The following ARIH2 variants were observed in gnomAD, a reference collection of about 807,000 sequenced individuals.
ARIH2 encodes the protein ariadne RBR E3 ubiquitin protein ligase 2, also known as E3 ubiquitin-protein ligase ARIH2.
A neutral mutation model predicts 79.8 loss-of-function variants in ARIH2; 12 were observed. The observed-to-expected ratio is 0.15, with a 90% CI of 0.10 to 0.24. The LOEUF (loss-of-function observed/expected upper bound fraction) is 0.24. Ranked by LOEUF, ARIH2 falls within the 10% of genes least tolerant of loss-of-function variation. ARIH2 has a pLI of 1.00. For synonymous variants in ARIH2, 224 were observed against 213.9 expected, an observed-to-expected ratio of 1.05 and a Z score of -0.41; for missense variants, 301 against 618.3, an observed-to-expected ratio of 0.49 and a Z score of 5.44.
intron 3 of ARIH2, among the ~76,000 whole-genome samples, chr3:48,939,243 C>CG (rs1457548266): frequency 6.6e-6 from 1 of 151,822 alleles, no homozygotes; most frequent in Non-Finnish European, 1.5e-5. Flanking sequence ...GCTGGGATTA[C>CG]GGGGGCGCCT....
At chr3:48,955,471 C>T (rs939899112) in intron 3 of ARIH2, among the ~76,000 whole-genome samples, 2 of 152,094 alleles carry the variant, frequency 1.3e-5, no homozygotes, top group African/African-American at 4.8e-5. Context: ...TCCTTCATTA[C>T]AACAGCCCAG....
intron 3 of ARIH2, chr3:48,934,271 G>A (rs2086810772): frequency 1.7e-6 from 1 of 587,436 alleles, no homozygotes; most frequent in African/African-American, 2.0e-5. Context: ...TTCTTAATTG[G>A]TACTAAATAC....
chr3:48,922,902 G>T (rs2085007424), intron 2 of ARIH2, 91 bp downstream of exon 2: 1 of 152,124 alleles, frequency 6.6e-6, no homozygotes, highest in East Asian at 1.9e-4. Flanking sequence ...CCATACAGAA[G>T]AGTTTGTTAA....
chr3:48,927,980 C>A, intron 3 of ARIH2, 167 bp downstream of exon 3: 1 of 822,822 alleles, frequency 1.2e-6, no homozygotes, highest in Non-Finnish European at 1.8e-6. Context: ...ACTTTGTTTT[C>A]TAATATATGC....
chr3:48,927,823 G>A lies in ARIH2; in HGVS notation c.255+10G>A, dbSNP rs2085841439. 7.4e-6 allele frequency: 12 copies of A among 1,613,048 alleles called. No individual in the cohort carries two copies. The highest frequency in any genetic ancestry group is 1.0e-5 in the Non-Finnish European group (12 of 1,179,302). On this transcript the variant is annotated intron_variant, in intron 3 of 15. Transcript: ENST00000356401. Reference sequence around the variant, plus strand: ...AGCTTCTGTCCTAAAGGTGAGCAGTGTTGTAAACTCCAGTGTAATCCCCCC... The same window carrying A: ...AGCTTCTGTCCTAAAGGTGAGCAGTATTGTAAACTCCAGTGTAATCCCCCC...
intron 3 of ARIH2, among the ~76,000 whole-genome samples, chr3:48,951,326 CT>C (rs2089930442): frequency 6.6e-6 from 1 of 151,810 alleles, no homozygotes; most frequent in Non-Finnish European, 1.5e-5. Context: ...TTTTTTCCCC[CT>C]GTGGAGTTTC....
At chr3:48,957,793 A>C (rs1016318040) in intron 3 of ARIH2, among the ~76,000 whole-genome samples, 12 of 152,000 alleles carry the variant, frequency 7.9e-5, no homozygotes, top group African/African-American at 2.9e-4. Flanking sequence ...TCAGCTCACT[A>C]CAACCTCCGC....
At chr3:48,953,245 A>G (rs2090170436) in intron 3 of ARIH2, among the ~76,000 whole-genome samples, 1 of 151,848 alleles carries the variant, frequency 6.6e-6, no homozygotes, top group Admixed American at 6.6e-5. Context: ...TTCTGAGTAG[A>G]TTGAAATTCA....
chr3:48,935,981 A>G (rs1022656992), intron 3 of ARIH2, among the ~76,000 whole-genome samples: 13 of 152,176 alleles, frequency 8.5e-5, no homozygotes, highest in African/African-American at 1.2e-4. Flanking sequence ...CCTGGGACCC[A>G]CCAAAAGAAA....
intron 3 of ARIH2, among the ~76,000 whole-genome samples, chr3:48,939,868 C>G (rs1175468537): frequency 1.3e-5 from 2 of 151,032 alleles, no homozygotes; most frequent in African/African-American, 4.9e-5. Context: ...GCATTTAGTA[C>G]ATTCACATTG....
chr3:48,978,338 C>T (rs1356146757), intron 11 of ARIH2, among the ~76,000 whole-genome samples: 3 of 150,584 alleles, frequency 2.0e-5, no homozygotes, highest in African/African-American at 4.9e-5. Flanking sequence ...TCACAACCTC[C>T]GCCCTACAGG....
At chr3:48,978,187 T>C (rs1576545784) in intron 11 of ARIH2, among the ~76,000 whole-genome samples, 1 of 152,076 alleles carries the variant, frequency 6.6e-6, no homozygotes, top group South Asian at 2.1e-4. Flanking sequence ...AAAACTGTGG[T>C]TGGCTTCTCT....
intron 3 of ARIH2, among the ~76,000 whole-genome samples, chr3:48,940,939 G>A (rs2088088495): frequency 6.6e-6 from 1 of 151,532 alleles, no homozygotes; most frequent in Non-Finnish European, 1.5e-5. Context: ...GGAGGCGGAG[G>A]CAGGCGGATC....
intron 3 of ARIH2, among the ~76,000 whole-genome samples, chr3:48,930,877 G>A (rs1411687575): frequency 1.3e-5 from 2 of 152,080 alleles, no homozygotes; most frequent in African/African-American, 2.4e-5. Flanking sequence ...TTGTGTGTAT[G>A]TAATTGAAAA....
chr3:48,924,166 T>G (rs1336380356), intron 2 of ARIH2, among the ~76,000 whole-genome samples: 1 of 151,984 alleles, frequency 6.6e-6, no homozygotes, highest in Non-Finnish European at 1.5e-5. Flanking sequence ...TACAAATTCT[T>G]TTTCCTTTTG....
chr3:48,941,137 A>G (rs995146908), intron 3 of ARIH2, among the ~76,000 whole-genome samples: 2 of 149,128 alleles, frequency 1.3e-5, no homozygotes, highest in African/African-American at 2.5e-5. Flanking sequence ...GTGCCACTGC[A>G]CTCCAGCCTG....
intron 3 of ARIH2, among the ~76,000 whole-genome samples, chr3:48,942,948 G>A (rs2088546674): frequency 6.6e-6 from 1 of 151,758 alleles, no homozygotes; most frequent in African/African-American, 2.4e-5. Flanking sequence ...ACCGTGCCTG[G>A]CCCTAATTTT....
intron 1 of ARIH2, among the ~76,000 whole-genome samples, chr3:48,920,398 A>G (rs2084643813): frequency 1.4e-5 from 2 of 141,560 alleles, no homozygotes; most frequent in African/African-American, 5.2e-5. Context: ...TAGAACATTT[A>G]GTATGAAATG....
At position 48,937,916 on chromosome 3, in the gene ARIH2, G is replaced by A. The variant is rs1028592728; in HGVS notation, c.255+10103G>A. 1.6e-4 allele frequency among the ~76,000 whole-genome samples: 24 copies of A among 151,810 alleles called. No individual in the cohort carries two copies. The South Asian group carries it at 3.7e-3, about 24-fold the overall frequency. On this transcript the variant is annotated intron_variant, in intron 3 of 15. Transcript: ENST00000356401. ...CAAAAAATTAGCCGGTCGTAGTGGC[G>A]GGCGCCTGTAGTCCCAGCTACTCCG...
Sources: gnomAD v4.1 joint callset for allele counts (sites outside exome capture counted in the v4.1 genomes callset) on GRCh38, gnomAD v4.1.1 for gene constraint, MANE v1.5 for transcripts, NCBI Gene and HGNC (gene_info 2026-07-23, HGNC 2026-07-21) for gene names.